The following ZDHHC14 variants were observed in gnomAD, a reference collection of about 807,000 sequenced individuals.
The protein encoded by ZDHHC14 is zDHHC palmitoyltransferase 14, also known as palmitoyltransferase ZDHHC14.
ZDHHC14 carries 16 observed loss-of-function variants against 47.7 expected under a neutral mutation model. The ratio of observed to expected loss-of-function variants is 0.34; its 90% CI spans 0.23 to 0.51. The LOEUF (loss-of-function observed/expected upper bound fraction) is 0.51, where lower values mean the gene tolerates loss of function less well. Among genes scored for constraint, ZDHHC14 ranks in the 20% least tolerant of loss-of-function variants. The probability of loss-of-function intolerance (pLI) is 0.97; values close to 1 mark genes in which losing one functional copy is unlikely to be tolerated. For synonymous variants in ZDHHC14, 293 were observed against 278.9 expected (o/e 1.05, Z -0.50); for missense variants, 515 against 662.5 (o/e 0.78, Z 2.44).
At chr6:157,610,197 C>G (rs1315030862) in intron 3 of ZDHHC14, among the ~76,000 whole-genome samples, 1 of 152,222 alleles carries the variant, frequency 6.6e-6, no homozygotes, top group Non-Finnish European at 1.5e-5. Context: ...GTAATCCCAG[C>G]ACTTTGGGAG....
chr6:157,468,645 C>A (rs142466532), intron 1 of ZDHHC14, among the ~76,000 whole-genome samples: 86 of 152,282 alleles, frequency 5.6e-4, no homozygotes, highest in African/African-American at 1.9e-3. Context: ...TAGAAGGAGG[C>A]CCTGCTCTTT....
chr6:157,675,137 C>T lies in ZDHHC14; in HGVS notation c.*2015C>T, dbSNP rs1454375155. On this transcript the variant is annotated 3_prime_UTR_variant, in exon 9 of 9. Coordinates refer to ENST00000359775, the MANE Select transcript of ZDHHC14 (RefSeq NM_024630.3). ...CAGAGGCCCCAGGAAGGAGTTGGCC[C>T]TGATGAGAACGGTGCTCCATGGGTG... The T allele has an allele frequency of 6.6e-6, 1 of 152,300 alleles. No individual in the cohort carries two copies. Among genetic ancestry groups the T allele is most frequent in the East Asian group, 1.9e-4 (1 of 5,200 alleles). 9.4% of individuals were successfully genotyped at this position (152,300 alleles called of 1,614,324 possible). A position where few individuals can be genotyped will look rare whatever the true frequency, so the allele number is the denominator to read the frequency against.
intron 1 of ZDHHC14, among the ~76,000 whole-genome samples, chr6:157,472,255 G>A (rs967060001): frequency 6.6e-6 from 1 of 152,146 alleles, no homozygotes; most frequent in South Asian, 2.1e-4. Flanking sequence ...CCCAGGGTGG[G>A]TGACCCATCA....
intron 4 of ZDHHC14, chr6:157,632,618 C>G: frequency 1.7e-6 from 1 of 593,734 alleles, no homozygotes; most frequent in Non-Finnish European, 3.0e-6. Context: ...AAAAAATACC[C>G]TGCAGATGTT....
At chr6:157,401,429 A>G (rs1359389741) in intron 1 of ZDHHC14, among the ~76,000 whole-genome samples, 1 of 152,266 alleles carries the variant, frequency 6.6e-6, no homozygotes, top group Non-Finnish European at 1.5e-5. Flanking sequence ...CCCTCATTTT[A>G]TAGACGAAGA....
chr6:157,598,027 T>C, intron 3 of ZDHHC14, among the ~76,000 whole-genome samples: 1 of 152,228 alleles, frequency 6.6e-6, no homozygotes, highest in Admixed American at 6.5e-5. Context: ...TGCATCTTAC[T>C]GCACACTCTG....
chr6:157,575,171 G>A (rs1159040457), intron 2 of ZDHHC14, among the ~76,000 whole-genome samples: 1 of 152,194 alleles, frequency 6.6e-6, no homozygotes, highest in East Asian at 1.9e-4. Flanking sequence ...TTCTACCTTG[G>A]GGGAGCTCAG....
chr6:157,461,215 G>T (rs757889900), intron 1 of ZDHHC14, among the ~76,000 whole-genome samples: 6 of 152,178 alleles, frequency 3.9e-5, no homozygotes, highest in Non-Finnish European at 8.8e-5. Context: ...ACTGTGGCAG[G>T]AGTTCACGCT....
At chr6:157,585,650 A>G (rs187106376) in intron 2 of ZDHHC14, among the ~76,000 whole-genome samples, 228 of 152,288 alleles carry the variant, frequency 1.5e-3, no homozygotes, top group Non-Finnish European at 2.6e-3. Flanking sequence ...TCTGCCCTGG[A>G]TGCAAGTGTG....
chr6:157,608,762 T>C (rs1455454827), intron 3 of ZDHHC14, among the ~76,000 whole-genome samples: 4 of 152,108 alleles, frequency 2.6e-5, no homozygotes, highest in African/African-American at 9.7e-5. Context: ...AAATGCATGC[T>C]TCAAAAAGTG....
chr6:157,404,349 G>A (rs920683056), intron 1 of ZDHHC14, among the ~76,000 whole-genome samples: 4 of 152,124 alleles, frequency 2.6e-5, no homozygotes, highest in African/African-American at 9.7e-5. Flanking sequence ...TGGCCAGACT[G>A]GTCTCGAACC....
At chr6:157,440,573 T>C (rs1287456614) in intron 1 of ZDHHC14, among the ~76,000 whole-genome samples, 1 of 152,144 alleles carries the variant, frequency 6.6e-6, no homozygotes, top group Non-Finnish European at 1.5e-5. Flanking sequence ...CCCAAAACAA[T>C]TGAATACAAA....
At chr6:157,617,831 C>T (rs1214469136) in intron 3 of ZDHHC14, among the ~76,000 whole-genome samples, 1 of 152,198 alleles carries the variant, frequency 6.6e-6, no homozygotes, top group African/African-American at 2.4e-5. Flanking sequence ...TTCCATTTCT[C>T]TCCAAGCTGC....
intron 1 of ZDHHC14, 31 bp downstream of exon 1, chr6:157,382,297 G>T (rs909052892): frequency 6.2e-7 from 1 of 1,608,354 alleles, no homozygotes; most frequent in South Asian, 1.1e-5. Context: ...CCCCGACGCC[G>T]CACTCCCCTG....
At chr6:157,520,338 GTT>G (rs1780869897) in intron 1 of ZDHHC14, among the ~76,000 whole-genome samples, 1 of 152,218 alleles carries the variant, frequency 6.6e-6, no homozygotes. Flanking sequence ...ATTGGATCAT[GTT>G]TAAATACAGA....
At chr6:157,385,997 T>C (rs1156412948) in intron 1 of ZDHHC14, among the ~76,000 whole-genome samples, 1 of 152,158 alleles carries the variant, frequency 6.6e-6, no homozygotes, top group Non-Finnish European at 1.5e-5. Context: ...CAGTATACAG[T>C]ATAGTATATA....
At chr6:157,465,058 C>A (rs1036290808) in intron 1 of ZDHHC14, among the ~76,000 whole-genome samples, 47 of 150,928 alleles carry the variant, frequency 3.1e-4, no homozygotes, top group Non-Finnish European at 8.8e-5. Context: ...AGCCATCTAA[C>A]CTACCCTGTG....
chr6:157,550,483 A>G (rs1173154728), intron 2 of ZDHHC14, among the ~76,000 whole-genome samples: 8,981 of 151,736 alleles, frequency 0.059, 939 homozygotes, highest in African/African-American at 0.21. Context: ...GAGAGACCAC[A>G]GCGTCACACA....
At chr6:157,526,895 A>T (rs761755823) in intron 1 of ZDHHC14, among the ~76,000 whole-genome samples, 21 of 152,022 alleles carry the variant, frequency 1.4e-4, no homozygotes, top group Non-Finnish European at 2.4e-4. Flanking sequence ...GCTCATAGAG[A>T]GAGGTTCTAG....
Sources: allele counts gnomAD v4.1 joint callset (sites outside exome capture counted in the v4.1 genomes callset), GRCh38; gene constraint gnomAD v4.1.1; transcripts MANE v1.5; gene names NCBI Gene and HGNC (gene_info 2026-07-23, HGNC 2026-07-21).